The following CSMD1 variants were observed in gnomAD, a reference collection of about 807,000 sequenced individuals.
The protein encoded by CSMD1 is CUB and sushi domain-containing protein 1.
A neutral mutation model predicts 417.5 loss-of-function variants in CSMD1; 213 were observed. The ratio of observed to expected loss-of-function variants is 0.51; its 90% confidence interval spans 0.46 to 0.57. CSMD1 has a LOEUF of 0.57. Among genes scored for constraint, CSMD1 ranks in the 20% least tolerant of loss-of-function variants. CSMD1 has a pLI of 0.00. For missense variants in CSMD1, 6,923 were observed against 4,529.7 expected, an observed-to-expected ratio of 1.53 and a Z score of -15.17; for synonymous variants, 2,862 against 1,736.8, an observed-to-expected ratio of 1.65 and a Z score of -16.11.
At chr8:4,979,041 C>T (rs1487082230) in intron 1 of CSMD1, among the ~76,000 whole-genome samples, 1 of 152,176 alleles carries the variant, frequency 6.6e-6, no homozygotes, top group Non-Finnish European at 1.5e-5. Context: ...TATTTCCTCT[C>T]ATCGTTCTTT....
intron 3 of CSMD1, among the ~76,000 whole-genome samples, chr8:4,326,083 C>G (rs1001590431): frequency 6.6e-6 from 1 of 152,144 alleles, no homozygotes; most frequent in Non-Finnish European, 1.5e-5. Context: ...ATCAGCATTA[C>G]CAGAACGGAG....
chr8:4,733,759 GAAAC>G (rs1311638980), intron 1 of CSMD1, among the ~76,000 whole-genome samples: 1 of 152,096 alleles, frequency 6.6e-6, no homozygotes, highest in East Asian at 1.9e-4. Context: ...GGTAAACAAA[GAAAC>G]AAACTTAACA....
intron 50 of CSMD1, among the ~76,000 whole-genome samples, chr8:3,036,857 C>A (rs994222665): frequency 3.3e-5 from 5 of 151,926 alleles, no homozygotes; most frequent in African/African-American, 1.2e-4. Context: ...GGGGTACAAG[C>A]GTTTTTGGTT....
chr8:3,162,566 T>G (rs1226268144), intron 37 of CSMD1, among the ~76,000 whole-genome samples: 1 of 152,172 alleles, frequency 6.6e-6, no homozygotes, highest in African/African-American at 2.4e-5. Flanking sequence ...CCAACTTCAA[T>G]ATATACATAT....
intron 2 of CSMD1, among the ~76,000 whole-genome samples, chr8:4,565,742 AT>A (rs1179141589): frequency 2.8e-4 from 24 of 86,946 alleles, no homozygotes; most frequent in Middle Eastern, 4.9e-3. Context: ...CTTAAAAAAA[AT>A]ATATACATAT....
intron 23 of CSMD1, among the ~76,000 whole-genome samples, chr8:3,317,496 T>G (rs1036711626): frequency 3.5e-4 from 54 of 152,338 alleles, no homozygotes; most frequent in African/African-American, 1.2e-3. Context: ...TTCTATTTTT[T>G]CCCAATTAAG....
rs181199784 is a variant in CSMD1 at position 4,007,547 on chromosome 8, T to C, written c.611-9437A>G. Reference sequence around the variant, plus strand: ...ACTCACCTAGATTGCTTCCCACCTCTCCATCCTGTATGCTTACCTCTCGGT... The same window carrying C: ...ACTCACCTAGATTGCTTCCCACCTCCCCATCCTGTATGCTTACCTCTCGGT... On this transcript the variant is annotated intron_variant, in intron 4 of 69. Transcript: ENST00000635120. Among the ~76,000 whole-genome samples the C allele has an allele frequency of 1.7e-3, 260 of 152,040 alleles. 2 individuals carry two copies. The highest frequency in any genetic ancestry group is 6.1e-3 in the African/African-American group (255 of 41,464).
At chr8:3,174,864 G>A (rs1820807032) in intron 37 of CSMD1, among the ~76,000 whole-genome samples, 1 of 151,974 alleles carries the variant, frequency 6.6e-6, no homozygotes, top group Non-Finnish European at 1.5e-5. Flanking sequence ...AGAGAAGGCA[G>A]TTTATCACTT....
intron 5 of CSMD1, among the ~76,000 whole-genome samples, chr8:3,841,273 G>C (rs932604826): frequency 6.6e-6 from 1 of 152,084 alleles, no homozygotes; most frequent in African/African-American, 2.4e-5. Context: ...GCTTGATTTT[G>C]AACTATCTTT....
At chr8:4,200,278 G>C (rs912110967) in intron 3 of CSMD1, among the ~76,000 whole-genome samples, 1 of 152,100 alleles carries the variant, frequency 6.6e-6, no homozygotes, top group Admixed American at 6.5e-5. Flanking sequence ...CCTTTTTTCA[G>C]AGGATAATTT....
intron 1 of CSMD1, among the ~76,000 whole-genome samples, chr8:4,808,882 T>G (rs753011530): frequency 6.6e-6 from 1 of 152,256 alleles, no homozygotes; most frequent in Non-Finnish European, 1.5e-5. Context: ...GGATCCAATA[T>G]TCTTTTTCTA....
At chr8:4,597,096 T>A (rs1305725182) in intron 2 of CSMD1, among the ~76,000 whole-genome samples, 1 of 122,880 alleles carries the variant, frequency 8.1e-6, no homozygotes, top group Non-Finnish European at 1.8e-5. Flanking sequence ...GAAAACAGAC[T>A]AATACAACAC....
chr8:3,782,870 A>G (rs528205498), intron 5 of CSMD1, among the ~76,000 whole-genome samples: 3 of 152,330 alleles, frequency 2.0e-5, no homozygotes, highest in East Asian at 1.9e-4. Flanking sequence ...GCCTGGGAAT[A>G]CTATACCGTG....
chr8:3,641,763 C>G (rs371851076), intron 7 of CSMD1, among the ~76,000 whole-genome samples: 1 of 152,182 alleles, frequency 6.6e-6, no homozygotes, highest in Non-Finnish European at 1.5e-5. Flanking sequence ...CCACTCGGTA[C>G]CCAACCACTC....
At chr8:3,059,179 A>C (rs1219854850) in intron 49 of CSMD1, among the ~76,000 whole-genome samples, 1 of 151,856 alleles carries the variant, frequency 6.6e-6, no homozygotes, top group Non-Finnish European at 1.5e-5. Flanking sequence ...ATTAATAATA[A>C]TGGCTTGTTA....
At chr8:3,679,380 C>T (rs554245663) in intron 7 of CSMD1, among the ~76,000 whole-genome samples, 20 of 152,190 alleles carry the variant, frequency 1.3e-4, no homozygotes, top group African/African-American at 4.6e-4. Context: ...GCAGGGGTTG[C>T]AATCCTAGTC....
intron 10 of CSMD1, among the ~76,000 whole-genome samples, chr8:3,531,443 C>T (rs535761202): frequency 7.9e-5 from 12 of 152,172 alleles, no homozygotes; most frequent in African/African-American, 2.4e-4. Context: ...ATAAACATCA[C>T]CCCTCAAAAA....
intron 1 of CSMD1, among the ~76,000 whole-genome samples, chr8:4,680,971 TGTGTGA>T (rs1261658346): frequency 1.3e-4 from 16 of 122,288 alleles, no homozygotes; most frequent in African/African-American, 3.0e-4. Context: ...TGTGTGTGTG[TGTGTGA>T]GAGAGAGAGA....
chr8:4,034,322 C>G (rs1386273955), intron 3 of CSMD1, among the ~76,000 whole-genome samples: 1 of 152,142 alleles, frequency 6.6e-6, no homozygotes, highest in African/African-American at 2.4e-5. Flanking sequence ...TCTCTATTTA[C>G]ATAGTCAAAG....
Sources: allele counts gnomAD v4.1 joint callset (sites outside exome capture counted in the v4.1 genomes callset), GRCh38; gene constraint gnomAD v4.1.1; transcripts MANE v1.5; gene names NCBI Gene and HGNC (gene_info 2026-07-23, HGNC 2026-07-21).